Variants in DCBLD1 observed in about 807,000 individuals in gnomAD.
The protein encoded by DCBLD1 is discoidin, CUB and LCCL domain-containing protein 1.
DCBLD1 carries 57 observed loss-of-function variants against 71.5 expected under a neutral mutation model. That is an observed-to-expected ratio of 0.80 (90% CI 0.64 to 0.99). The LOEUF (loss-of-function observed/expected upper bound fraction) is 0.99, where lower values mean the gene tolerates loss of function less well. Ranked by LOEUF, DCBLD1 falls within the 50% of genes least tolerant of loss-of-function variation. The probability of loss-of-function intolerance (pLI) is 0.00; values close to 1 mark genes in which losing one functional copy is unlikely to be tolerated. For missense variants in DCBLD1, 891 were observed against 923.5 expected (o/e 0.96, Z 0.46); for synonymous variants, 380 against 363.8 (o/e 1.04, Z -0.51).
chr6:117,563,441 G>A, intron 14 of DCBLD1: 2 of 1,547,064 alleles, frequency 1.3e-6, no homozygotes, highest in Admixed American at 1.7e-5. Flanking sequence ...GTTGGTTTTG[G>A]TCAGGTGCAG....
intron 14 of DCBLD1, among the ~76,000 whole-genome samples, chr6:117,567,507 T>C (rs1779722188): frequency 6.6e-6 from 1 of 152,190 alleles, no homozygotes. Context: ...GGACATCATA[T>C]AAATCTTTTC....
At chr6:117,543,295 A>G in intron 12 of DCBLD1, 84 bp downstream of exon 12, 1 of 1,150,970 alleles carries the variant, frequency 8.7e-7, no homozygotes, top group Non-Finnish European at 1.3e-6. Context: ...AGAAATGCAT[A>G]TGTACAAAAG....
chr6:117,509,796 G>C (rs1465366453), intron 2 of DCBLD1, among the ~76,000 whole-genome samples: 1 of 152,158 alleles, frequency 6.6e-6, no homozygotes, highest in Non-Finnish European at 1.5e-5. Context: ...TAATCCAAGA[G>C]TTTGCCCAAA....
At chr6:117,505,821 A>C (rs1314737915) in intron 2 of DCBLD1, among the ~76,000 whole-genome samples, 1 of 152,142 alleles carries the variant, frequency 6.6e-6, no homozygotes, top group Non-Finnish European at 1.5e-5. Context: ...AAGAGAAAAA[A>C]GGCAGAAAAG....
intron 1 of DCBLD1, among the ~76,000 whole-genome samples, chr6:117,487,785 A>C (rs1379241282): frequency 1.3e-5 from 2 of 151,962 alleles, no homozygotes; most frequent in Non-Finnish European, 2.9e-5. Flanking sequence ...GGAAAAATAC[A>C]GCCAGAATTT....
chr6:117,514,214 GGCAA>G (rs1372558340), intron 2 of DCBLD1, among the ~76,000 whole-genome samples: 1 of 152,162 alleles, frequency 6.6e-6, no homozygotes, highest in African/African-American at 2.4e-5. Context: ...TTTTGCCATA[GGCAA>G]TACTACAGCC....
intron 1 of DCBLD1, among the ~76,000 whole-genome samples, chr6:117,490,336 A>G (rs1171027052): frequency 6.6e-6 from 1 of 151,956 alleles, no homozygotes; most frequent in Non-Finnish European, 1.5e-5. Context: ...TTACTTGGAA[A>G]AATTCCATAT....
At chr6:117,553,882 G>A (rs536963359), downstream of DCBLD1, among the ~76,000 whole-genome samples, 102 of 152,076 alleles carry the variant, frequency 6.7e-4, no homozygotes, top group Non-Finnish European at 8.2e-4. Context: ...TAGACTCCCT[G>A]GGCTCAAATT....
rs1402852540 is a variant in DCBLD1 at position 117,543,166 on chromosome 6, T to C, written c.1400T>C (p.Val467Ala). 1 of 1,614,080 alleles carries C rather than the reference T, an allele frequency of 6.2e-7. No homozygotes were observed. Among genetic ancestry groups the C allele is most frequent in the Non-Finnish European group, 8.5e-7 (1 of 1,180,038 alleles). ...TTVAIPLVLL[V>A]VLVFAGMGIF... ...GTGGCTATTCCATTGGTGCTCCTTG[T>C]TGTCCTGGTGTTTGCTGGAATGGGG... Residue 467 changes from valine (V) to alanine (A), a missense_variant, in exon 12 of 15, where the codon GTT becomes GCT. By Grantham distance (64) the Val-to-Ala change is moderately conservative (BLOSUM62 0). Transcript: ENST00000338728.
chr6:117,497,392 C>T (rs1777507164), intron 1 of DCBLD1, among the ~76,000 whole-genome samples: 1 of 152,068 alleles, frequency 6.6e-6, no homozygotes, highest in Non-Finnish European at 1.5e-5. Context: ...GGGAAATAGT[C>T]TTTTAAGGAA....
At chr6:117,483,501 T>A (rs544299771) in intron 1 of DCBLD1, among the ~76,000 whole-genome samples, 2 of 152,300 alleles carry the variant, frequency 1.3e-5, no homozygotes, top group South Asian at 4.1e-4. Flanking sequence ...CGCCGCAAGT[T>A]GGAATCGTGT....
In DCBLD1 at chr6:117,485,346, A is replaced by G. The variant is rs571290339; in HGVS notation, c.112+2453A>G. 5.3e-5 allele frequency among the ~76,000 whole-genome samples: 8 copies of G among 152,356 alleles called. No homozygotes were observed. The East Asian group carries it at 1.5e-3, about 29-fold the overall frequency. ...GATCTCTGAGGAAACTTCCAAGTGT[A>G]GATTCAAATCTTGCATACTTAAGAA... On this transcript the variant is annotated intron_variant, in intron 1 of 14. Transcript: ENST00000338728.
intron 2 of DCBLD1, 49 bp from the exon 3 acceptor site, chr6:117,519,767 T>C: frequency 6.3e-7 from 1 of 1,584,138 alleles, no homozygotes; most frequent in Non-Finnish European, 8.6e-7. Flanking sequence ...ACCAGTCATT[T>C]GTGCTGGTAT....
At chr6:117,565,923 G>A (rs1460738491) in intron 14 of DCBLD1, among the ~76,000 whole-genome samples, 2 of 152,128 alleles carry the variant, frequency 1.3e-5, no homozygotes, top group Non-Finnish European at 2.9e-5. Context: ...TGTTCAGTGT[G>A]CAGAGTAAGT....
chr6:117,512,461 A>G (rs543821368), intron 2 of DCBLD1, among the ~76,000 whole-genome samples: 31 of 152,316 alleles, frequency 2.0e-4, no homozygotes, highest in African/African-American at 5.3e-4. Flanking sequence ...ATGTTGTACA[A>G]TGACCCTACT....
intron 6 of DCBLD1, among the ~76,000 whole-genome samples, chr6:117,534,026 G>A (rs11153670): frequency 0.04 from 6,025 of 152,202 alleles, 261 homozygotes; most frequent in African/African-American, 0.11. Flanking sequence ...GGACATGCAG[G>A]CTTACCTCAT....
At chr6:117,487,385 G>C (rs1777124568) in intron 1 of DCBLD1, among the ~76,000 whole-genome samples, 2 of 152,148 alleles carry the variant, frequency 1.3e-5, no homozygotes, top group Admixed American at 1.3e-4. Flanking sequence ...CAGCACTTTG[G>C]GTGGTTGAGG....
intron 14 of DCBLD1, 124 bp from the exon 15 acceptor site, chr6:117,547,783 G>A: frequency 6.5e-7 from 1 of 1,541,686 alleles, no homozygotes; most frequent in Non-Finnish European, 8.8e-7. Flanking sequence ...CAGTGCCTGG[G>A]ACACCTGAGG....
At chr6:117,528,985 C>T (rs371440952) in intron 5 of DCBLD1, among the ~76,000 whole-genome samples, 12 of 152,126 alleles carry the variant, frequency 7.9e-5, no homozygotes, top group East Asian at 1.9e-4. Context: ...GGACTACAGA[C>T]GCCTGCCACC....
Sources: gnomAD v4.1 joint callset for allele counts (sites outside exome capture counted in the v4.1 genomes callset) on GRCh38, gnomAD v4.1.1 for gene constraint, MANE v1.5 for transcripts, NCBI Gene and HGNC (gene_info 2026-07-23, HGNC 2026-07-21) for gene names.